MAPK4: variants seen among roughly 807,000 people sequenced by gnomAD.
MAPK4 encodes the protein Erk3-related.
Under a neutral mutation model 47.7 loss-of-function variants are expected in MAPK4, and 22 were observed. That is an observed-to-expected ratio of 0.46 (90% confidence interval 0.33 to 0.66). The LOEUF (loss-of-function observed/expected upper bound fraction) is 0.66. MAPK4 is among the 30% of genes least tolerant of loss of function. The pLI, the probability that MAPK4 is intolerant of heterozygous loss-of-function variation, is 0.02. For synonymous variants in MAPK4, 390 were observed against 365.7 expected, an observed-to-expected ratio of 1.07 and a Z score of -0.76; for missense variants, 736 against 831.7, an observed-to-expected ratio of 0.88 and a Z score of 1.42.
intron 4 of MAPK4, among the ~76,000 whole-genome samples, chr18:50,722,807 T>G (rs1386067380): frequency 6.6e-6 from 1 of 152,164 alleles, no homozygotes; most frequent in African/African-American, 2.4e-5. Context: ...AGGCGGGCTC[T>G]GGATGAAGCA....
At chr18:50,610,028 G>A (rs1378429495) in intron 1 of MAPK4, among the ~76,000 whole-genome samples, 1 of 152,074 alleles carries the variant, frequency 6.6e-6, no homozygotes, top group Non-Finnish European at 1.5e-5. Context: ...AAAGAAAATG[G>A]AATTTTGCAA....
chr18:50,583,635 G>A (rs1427400247), intron 1 of MAPK4, among the ~76,000 whole-genome samples: 1 of 152,150 alleles, frequency 6.6e-6, no homozygotes, highest in African/African-American at 2.4e-5. Flanking sequence ...TAGAGAGGGA[G>A]GGTAAGATGG....
chr18:50,664,141 C>T lies in MAPK4; in HGVS notation c.183C>T (p.His61=), dbSNP rs55800528. The change falls in exon 2 of 6, where the codon CAC becomes CAT. Residue 61 remains histidine, a synonymous_variant. Transcript: ENST00000400384. This position sits in a 1 kb window ranked among gnomAD's most constrained non-coding sequence, Gnocchi z 6.0. ...TGAGCGATGCCCGCAGCATGAAGCACGCGCTCCGAGAGATCAAGATCATTC... is the reference window on the plus strand; with the variant it reads ...TGAGCGATGCCCGCAGCATGAAGCATGCGCTCCGAGAGATCAAGATCATTC... The part of the protein sequence containing the change: ...IALSDARSMK[H]ALREIKIIRR... 4.5e-3 allele frequency: 7,221 copies of T among 1,614,168 alleles called. 23 individuals are homozygous for T. Among genetic ancestry groups the T allele is most frequent in the Admixed American group, 6.7e-3 (403 of 60,034 alleles).
At chr18:50,642,954 G>C (rs2042953698) in intron 1 of MAPK4, among the ~76,000 whole-genome samples, 1 of 152,180 alleles carries the variant, frequency 6.6e-6, no homozygotes, top group South Asian at 2.1e-4. Context: ...AAGTGCTAGT[G>C]TTGATTATCC....
At chr18:50,722,452 C>T (rs1910984792) in intron 4 of MAPK4, among the ~76,000 whole-genome samples, 1 of 152,230 alleles carries the variant, frequency 6.6e-6, no homozygotes, top group Non-Finnish European at 1.5e-5. Flanking sequence ...AGCCTGAGGG[C>T]AAGACCCAGG....
At chr18:50,562,988 A>G (rs1003122089) in intron 1 of MAPK4, among the ~76,000 whole-genome samples, 4 of 152,132 alleles carry the variant, frequency 2.6e-5, no homozygotes, top group African/African-American at 4.8e-5. Context: ...AATTCCTGGT[A>G]ATGGCTTTAT....
chr18:50,628,566 T>G (rs978873696), intron 1 of MAPK4, among the ~76,000 whole-genome samples: 4 of 152,248 alleles, frequency 2.6e-5, no homozygotes, highest in African/African-American at 9.6e-5. Flanking sequence ...ATGTTCTTAT[T>G]TAATCTCTCA....
At chr18:50,635,183 CATGG>C (rs1342244747) in intron 1 of MAPK4, among the ~76,000 whole-genome samples, 1 of 152,164 alleles carries the variant, frequency 6.6e-6, no homozygotes, top group Non-Finnish European at 1.5e-5. Flanking sequence ...AGTATCTCCT[CATGG>C]ATGTCAAATG....
chr18:50,618,059 A>G (rs1478833250), intron 1 of MAPK4, among the ~76,000 whole-genome samples: 1 of 152,180 alleles, frequency 6.6e-6, no homozygotes, highest in Admixed American at 6.5e-5. Flanking sequence ...TCTAATATAT[A>G]TCTATCATAT....
chr18:50,575,072 C>A (rs181184609), intron 1 of MAPK4, among the ~76,000 whole-genome samples: 8 of 152,144 alleles, frequency 5.3e-5, no homozygotes, highest in African/African-American at 9.7e-5. Context: ...GGAAGTGGGG[C>A]CTTCGGGGAG....
intron 1 of MAPK4, among the ~76,000 whole-genome samples, chr18:50,611,939 T>A (rs1194480183): frequency 6.6e-6 from 1 of 152,152 alleles, no homozygotes; most frequent in East Asian, 1.9e-4. Flanking sequence ...TCTTTAAAGA[T>A]CGAAGTATGA....
chr18:50,628,556 A>G (rs143802232), intron 1 of MAPK4, among the ~76,000 whole-genome samples: 4 of 152,328 alleles, frequency 2.6e-5, no homozygotes, highest in East Asian at 3.9e-4. Flanking sequence ...TTTTGGATCC[A>G]TGTTCTTATT....
At chr18:50,626,359 G>C (rs2042778066) in intron 1 of MAPK4, among the ~76,000 whole-genome samples, 1 of 152,224 alleles carries the variant, frequency 6.6e-6, no homozygotes, top group African/African-American at 2.4e-5. Context: ...CAGATGGTCA[G>C]AGCAGGCTCC....
At chr18:50,611,756 C>T (rs932861017) in intron 1 of MAPK4, among the ~76,000 whole-genome samples, 2 of 152,162 alleles carry the variant, frequency 1.3e-5, no homozygotes, top group Non-Finnish European at 2.9e-5. Flanking sequence ...AGTCACCTGC[C>T]CACGTCAGCA....
At chr18:50,709,197 T>C (rs1910219413) in intron 2 of MAPK4, among the ~76,000 whole-genome samples, 1 of 152,072 alleles carries the variant, frequency 6.6e-6, no homozygotes, top group Non-Finnish European at 1.5e-5. Context: ...CCGGGAGGGC[T>C]CCTGGGAACC....
At chr18:50,707,444 C>G (rs1009192993) in intron 2 of MAPK4, among the ~76,000 whole-genome samples, 1 of 151,968 alleles carries the variant, frequency 6.6e-6, no homozygotes, top group African/African-American at 2.4e-5. Flanking sequence ...GTGGCCCGCA[C>G]CTGTAGTCCC....
intron 1 of MAPK4, among the ~76,000 whole-genome samples, chr18:50,650,813 T>C (rs2043040437): frequency 6.6e-6 from 1 of 152,234 alleles, no homozygotes; most frequent in Non-Finnish European, 1.5e-5. Flanking sequence ...TCTTTCCTGA[T>C]AGAAAGTTAT....
chr18:50,679,631 C>A (rs537904805), intron 2 of MAPK4, among the ~76,000 whole-genome samples: 1 of 150,900 alleles, frequency 6.6e-6, no homozygotes, highest in Non-Finnish European at 1.5e-5. Flanking sequence ...GATCTGCCTC[C>A]GGGAACCTGG....
At chr18:50,708,636 C>G (rs1237906417) in intron 2 of MAPK4, among the ~76,000 whole-genome samples, 1 of 152,214 alleles carries the variant, frequency 6.6e-6, no homozygotes, top group Admixed American at 6.5e-5. Flanking sequence ...TGGCACATCT[C>G]TCCACGAGAC....
Sources: gnomAD v4.1 joint callset for allele counts (sites outside exome capture counted in the v4.1 genomes callset) on GRCh38, gnomAD v4.1.1 for gene constraint, Gnocchi (gnomAD v3.1) non-coding constraint, MANE v1.5 for transcripts, NCBI Gene and HGNC (gene_info 2026-07-23, HGNC 2026-07-21) for gene names.